Variants in CREBRF observed in about 807,000 individuals in gnomAD.
The protein encoded by CREBRF is CREB3 regulatory factor.
A neutral mutation model predicts 66.1 loss-of-function variants in CREBRF; 5 were observed. That is an observed-to-expected ratio of 0.08 (90% CI 0.04 to 0.16). The LOEUF (loss-of-function observed/expected upper bound fraction) is 0.16, where lower values mean the gene tolerates loss of function less well. Among genes scored for constraint, CREBRF ranks in the 10% least tolerant of loss-of-function variants. The pLI is 1.00. For missense variants in CREBRF, 531 were observed against 744.9 expected (o/e 0.71, Z 3.34); for synonymous variants, 229 against 264.4 (o/e 0.87, Z 1.30).
At chr5:173,088,823 T>C (rs1420177470) in intron 3 of CREBRF, among the ~76,000 whole-genome samples, 1 of 152,058 alleles carries the variant, frequency 6.6e-6, no homozygotes, top group African/African-American at 2.4e-5. Context: ...ATTATTGAAT[T>C]GTCTACTTAA....
rs1326593099 is a variant in CREBRF, at chr5:173,135,763, G to A, written c.*2018G>A. ...TGATCTAGAACACCCAGTAACAAAT[G>A]AACAATGTTGCTTACCTGCTTCTTT... On this transcript the variant is annotated 3_prime_UTR_variant, in exon 9 of 9. Coordinates refer to ENST00000296953, the MANE Select transcript of CREBRF (RefSeq NM_153607.3). 1.3e-5 allele frequency: 2 copies of A among 152,338 alleles called. No homozygotes were observed. Among genetic ancestry groups the A allele is most frequent in the South Asian group, 4.1e-4 (2 of 4,822 alleles). The allele number at this position is 152,338 out of a possible 1,614,324, so 9.4% of individuals were successfully genotyped here. A position where few individuals can be genotyped will look rare whatever the true frequency, so the allele number is the denominator to read the frequency against.
intron 8 of CREBRF, among the ~76,000 whole-genome samples, chr5:173,129,349 C>A (rs896075723): frequency 4.0e-5 from 6 of 151,542 alleles, no homozygotes; most frequent in Non-Finnish European, 8.8e-5. Flanking sequence ...ATCTCCTGAC[C>A]TCGTGATCCA....
chr5:173,105,468 T>G (rs531346934), intron 4 of CREBRF, among the ~76,000 whole-genome samples: 142 of 152,036 alleles, frequency 9.3e-4, no homozygotes, highest in African/African-American at 1.9e-3. Context: ...AAGGGCCTTT[T>G]ATTTATTTAT....
intron 7 of CREBRF, among the ~76,000 whole-genome samples, chr5:173,114,882 T>A (rs1758949139): frequency 6.6e-6 from 1 of 152,184 alleles, no homozygotes; most frequent in African/African-American, 2.4e-5. Flanking sequence ...TTGATGAATA[T>A]GGCATCAGAG....
rs188821450 is a variant in CREBRF, at chr5:173,057,955, A to T, written c.-192+1476A>T. Among the ~76,000 whole-genome samples the T allele has an allele frequency of 7.9e-3, 1,201 of 152,050 alleles. 10 individuals carry two copies. The highest frequency in any genetic ancestry group is 9.0e-3 in the Non-Finnish European group (613 of 67,986). The stretch of plus-strand genomic sequence containing the variant: ...TTCTTGAGAAAACTGAGCCCACAGG[A>T]AGTTATTTAGTTTCGAAGGTTCTTT... On this transcript the variant is annotated intron_variant, in intron 1 of 8. Coordinates refer to ENST00000296953, the MANE Select transcript of CREBRF (RefSeq NM_153607.3).
chr5:173,113,067 A>G (rs893275550), intron 7 of CREBRF, among the ~76,000 whole-genome samples: 1 of 152,158 alleles, frequency 6.6e-6, no homozygotes, highest in Non-Finnish European at 1.5e-5. Flanking sequence ...ATCACAGCTC[A>G]CTGCAGCCTC....
At chr5:173,098,395 G>C (rs1441313900) in intron 4 of CREBRF, among the ~76,000 whole-genome samples, 2 of 151,994 alleles carry the variant, frequency 1.3e-5, no homozygotes, top group Non-Finnish European at 2.9e-5. Context: ...CATTGTGTTA[G>C]CCAGGATGGT....
At chr5:173,107,817 A>ATTTT (rs559120882) in intron 4 of CREBRF, among the ~76,000 whole-genome samples, 10 of 121,842 alleles carry the variant, frequency 8.2e-5, no homozygotes, top group South Asian at 2.5e-4. Flanking sequence ...TCTCTACAAA[A>ATTTT]TTTTTTTTTT....
At chr5:173,101,285 G>A (rs1758622350) in intron 4 of CREBRF, among the ~76,000 whole-genome samples, 1 of 152,018 alleles carries the variant, frequency 6.6e-6, no homozygotes, top group Admixed American at 6.6e-5. Context: ...TTATACTCCT[G>A]GGCTGAAGCA....
chr5:173,105,752 C>A (rs1758733270), intron 4 of CREBRF, among the ~76,000 whole-genome samples: 1 of 152,020 alleles, frequency 6.6e-6, no homozygotes, highest in Admixed American at 6.6e-5. Context: ...GCATGAGCCA[C>A]CGTGCCTGGC....
In CREBRF at chr5:173,119,406, G is replaced by C. The variant is rs75449389; in HGVS notation, c.1682-3674G>C. 1.3e-4 allele frequency among the ~76,000 whole-genome samples: 20 copies of C among 152,244 alleles called. No individual in the cohort carries two copies. The East Asian group carries it at 3.9e-3, about 29-fold the overall frequency. The stretch of plus-strand genomic sequence containing the variant: ...GCTTGAACATCTTTTATTAGATGTA[G>C]TCCTGAGTATTTTATGTTTTTTAGT... On this transcript the variant is annotated intron_variant, in intron 7 of 8. Coordinates refer to ENST00000296953, the MANE Select transcript of CREBRF (RefSeq NM_153607.3).
In CREBRF at chr5:173,091,388, T is replaced by G; in HGVS notation, c.1209T>G (p.Thr403=). 6.2e-7 allele frequency: 1 copy of G among 1,613,892 alleles called. No individual in the cohort carries two copies. Among genetic ancestry groups the G allele is most frequent in the Non-Finnish European group, 8.5e-7 (1 of 1,179,950 alleles). Residue 403 remains threonine (T), a synonymous_variant, in exon 4 of 9, where the codon ACT becomes ACG. Coordinates refer to ENST00000296953, the MANE Select transcript of CREBRF (RefSeq NM_153607.3). ...EDDKDDDISD[T]FSEPGYENDS... is the part of the protein sequence containing the mutation. ...ACAAGGATGATGATATTAGTGATACTTTCTCTGAACCAGGTATTATAATGC... is the reference window on the plus strand; with the variant it reads ...ACAAGGATGATGATATTAGTGATACGTTCTCTGAACCAGGTATTATAATGC...
At chr5:173,105,257 A>G (rs920482714) in intron 4 of CREBRF, among the ~76,000 whole-genome samples, 4 of 146,154 alleles carry the variant, frequency 2.7e-5, no homozygotes, top group African/African-American at 1.0e-4. Context: ...GTGTGTGTGT[A>G]CACACACAGC....
chr5:173,057,635 C>T (rs992196393), intron 1 of CREBRF: 3 of 152,256 alleles, frequency 2.0e-5, no homozygotes, highest in Admixed American at 6.5e-5. Flanking sequence ...GAAAGCAAGT[C>T]TTTCTGCCGT....
chr5:173,076,522 G>T (rs1357039678), intron 1 of CREBRF, among the ~76,000 whole-genome samples: 2 of 152,114 alleles, frequency 1.3e-5, no homozygotes, highest in Non-Finnish European at 2.9e-5. Context: ...AGGACAAGAT[G>T]GGTGGATCAC....
chr5:173,071,018 G>A lies in CREBRF; in HGVS notation c.-191-9567G>A, dbSNP rs534776720. On this transcript the variant is annotated intron_variant, in intron 1 of 8. Coordinates refer to ENST00000296953, the MANE Select transcript of CREBRF (RefSeq NM_153607.3). ...AAGATGTCACAGTCTGGTAGTGGAA[G>A]CAAGGGAATAGGAGAGAAGATGAAA... Among the ~76,000 whole-genome samples the A allele has an allele frequency of 9.9e-5, 15 of 152,244 alleles. 2 individuals carry two copies. In the South Asian group the frequency reaches 2.3e-3, roughly 23 times the overall value.
chr5:173,091,689 A>C (rs936627454), intron 4 of CREBRF: 12 of 1,090,076 alleles, frequency 1.1e-5, no homozygotes, highest in Non-Finnish European at 1.3e-5. Flanking sequence ...CACTGTGCCC[A>C]GCTGAGGACT....
At chr5:173,130,280 T>C (rs890210772) in intron 8 of CREBRF, among the ~76,000 whole-genome samples, 1 of 152,132 alleles carries the variant, frequency 6.6e-6, no homozygotes, top group African/African-American at 2.4e-5. Flanking sequence ...TATGTGGCCT[T>C]TTTTTTGCCT....
intron 7 of CREBRF, among the ~76,000 whole-genome samples, chr5:173,119,522 C>G (rs1443949021): frequency 1.3e-5 from 2 of 152,070 alleles, no homozygotes. Context: ...ACTCTTAGTT[C>G]CAGTAGTAGG....
Sources: gnomAD v4.1 joint callset for allele counts (sites outside exome capture counted in the v4.1 genomes callset) on GRCh38, gnomAD v4.1.1 for gene constraint, MANE v1.5 for transcripts, NCBI Gene and HGNC (gene_info 2026-07-23, HGNC 2026-07-21) for gene names.